The following PTPRO variants were observed in gnomAD, a reference collection of about 807,000 sequenced individuals.
PTPRO encodes receptor-type tyrosine-protein phosphatase O.
PTPRO carries 62 observed loss-of-function variants against 145.2 expected under a neutral mutation model. The observed-to-expected ratio is 0.43, with a 90% confidence interval of 0.35 to 0.53. PTPRO has a LOEUF of 0.53. Ranked by LOEUF, PTPRO falls within the 20% of genes least tolerant of loss-of-function variation. PTPRO has a pLI of 0.01. For missense variants in PTPRO, 1,345 were observed against 1,482.7 expected, an observed-to-expected ratio of 0.91 and a Z score of 1.53; for synonymous variants, 565 against 514.7, an observed-to-expected ratio of 1.10 and a Z score of -1.32.
chr12:15,497,539 T>C (rs1942132681), intron 3 of PTPRO, 136 bp downstream of exon 3: 1 of 977,096 alleles, frequency 1.0e-6, no homozygotes, highest in Non-Finnish European at 1.5e-6. Flanking sequence ...TAAAAATAAT[T>C]ATTGATTTAT....
intron 1 of PTPRO, among the ~76,000 whole-genome samples, chr12:15,390,663 A>T (rs1292440030): frequency 6.6e-6 from 1 of 152,194 alleles, no homozygotes; most frequent in Non-Finnish European, 1.5e-5. Flanking sequence ...AATAAGAATT[A>T]TATGGTCTAG....
intron 12 of PTPRO, among the ~76,000 whole-genome samples, chr12:15,534,166 C>T (rs1802849752): frequency 6.6e-6 from 1 of 152,104 alleles, no homozygotes. Context: ...TATGTGGTGA[C>T]AGGTCCCTTT....
intron 2 of PTPRO, among the ~76,000 whole-genome samples, chr12:15,488,199 A>G (rs1391225152): frequency 1.3e-5 from 2 of 152,206 alleles, no homozygotes; most frequent in African/African-American, 4.8e-5. Context: ...GAAAACACGT[A>G]TTGATTTCCA....
intron 10 of PTPRO, among the ~76,000 whole-genome samples, chr12:15,524,005 C>T (rs1942783377): frequency 6.6e-6 from 1 of 151,734 alleles, no homozygotes; most frequent in Non-Finnish European, 1.5e-5. Flanking sequence ...TGCTATGTTG[C>T]ACAGGCTGGT....
At chr12:15,570,349 GT>G (rs1429353177) in intron 19 of PTPRO, among the ~76,000 whole-genome samples, 4 of 151,362 alleles carry the variant, frequency 2.6e-5, no homozygotes, top group Non-Finnish European at 5.9e-5. Context: ...AGCCTTTTAA[GT>G]GCTCTTTTCT....
chr12:15,501,632 C>T lies in PTPRO; in HGVS notation c.674C>T (p.Pro225Leu), dbSNP rs749385383. Residue 225 changes from proline (P) to leucine (L), a missense_variant, in exon 5 of 27, where the codon CCT (proline) becomes CTT (leucine). Pro to Leu is a moderately conservative substitution (Grantham distance 98, BLOSUM62 -3). This residue lies in a region of PTPRO where 1,130 missense variants were observed against 1,214.7 expected (regional missense o/e 0.93). Transcript: ENST00000281171. ...CTCTCTCTTACAGCCCCTTATCCACCTCAAAATATTTCCGTTCGTATCGTA... is the reference window on the plus strand; with the variant it reads ...CTCTCTCTTACAGCCCCTTATCCACTTCAAAATATTTCCGTTCGTATCGTA... Reference protein sequence around the residue: ...PKQHRTAPYPPQNISVRIVNL... With the variant: ...PKQHRTAPYPLQNISVRIVNL... 6 of 1,613,428 alleles carry T rather than the reference C, an allele frequency of 3.7e-6. No homozygotes were observed. The highest frequency in any genetic ancestry group is 4.2e-6 in the Non-Finnish European group (5 of 1,179,432).
At chr12:15,535,154 T>G (rs1308934019) in intron 12 of PTPRO, among the ~76,000 whole-genome samples, 1 of 152,182 alleles carries the variant, frequency 6.6e-6, no homozygotes, top group Non-Finnish European at 1.5e-5. Context: ...TAGGGTGAAG[T>G]AAGAATCAAG....
At chr12:15,555,434 A>G (rs138813915) in intron 15 of PTPRO, among the ~76,000 whole-genome samples, 3 of 152,314 alleles carry the variant, frequency 2.0e-5, no homozygotes, top group African/African-American at 7.2e-5. Context: ...AAGGACAACT[A>G]AGGGAGTGTG....
chr12:15,569,055 A>G (rs1013633515), intron 18 of PTPRO, among the ~76,000 whole-genome samples: 12 of 152,192 alleles, frequency 7.9e-5, no homozygotes, highest in African/African-American at 2.9e-4. Flanking sequence ...CCATAACTCA[A>G]ACAGGTCTTT....
chr12:15,464,983 G>T (rs1941385611), intron 1 of PTPRO, among the ~76,000 whole-genome samples: 1 of 152,088 alleles, frequency 6.6e-6, no homozygotes, highest in South Asian at 2.1e-4. Context: ...AATACATATG[G>T]TAGCAAGCAA....
At chr12:15,544,872 T>C (rs185064089) in intron 12 of PTPRO, among the ~76,000 whole-genome samples, 2 of 152,284 alleles carry the variant, frequency 1.3e-5, no homozygotes, top group Non-Finnish European at 2.9e-5. Context: ...ACTGGACAAT[T>C]CATTGCAAGT....
chr12:15,582,686 C>T (rs185316324), intron 23 of PTPRO, among the ~76,000 whole-genome samples: 266 of 151,802 alleles, frequency 1.8e-3, no homozygotes, highest in African/African-American at 6.1e-3. Flanking sequence ...ATAATTAAAC[C>T]CTGATTTAGT....
chr12:15,522,533 C>A lies in PTPRO; in HGVS notation c.1891+2221C>A, dbSNP rs190566852. ...GAATTTGTAATATATAAAGTAAAAACGCGTGTGTGTGTGATTTTTTTTACC... is the reference window on the plus strand; with the variant it reads ...GAATTTGTAATATATAAAGTAAAAAAGCGTGTGTGTGTGATTTTTTTTACC... On this transcript the variant is annotated intron_variant, in intron 10 of 26. Coordinates refer to ENST00000281171, the MANE Select transcript of PTPRO (RefSeq NM_030667.3). 1.7e-4 allele frequency among the ~76,000 whole-genome samples: 25 copies of A among 151,172 alleles called. No homozygotes were observed. In the East Asian group the frequency reaches 4.7e-3, roughly 28 times the overall value.
chr12:15,593,146 G>A (rs926047564), intron 25 of PTPRO, among the ~76,000 whole-genome samples: 3 of 152,094 alleles, frequency 2.0e-5, no homozygotes, highest in Non-Finnish European at 4.4e-5. Context: ...GACCACAAGG[G>A]GTAGCTCAGC....
At chr12:15,377,656 C>A (rs2136270021) in intron 1 of PTPRO, among the ~76,000 whole-genome samples, 1 of 152,192 alleles carries the variant, frequency 6.6e-6, no homozygotes, top group Middle Eastern at 3.4e-3. Flanking sequence ...CCTTAAACAT[C>A]TATAAGATAC....
chr12:15,388,107 A>AG (rs1292844939), intron 1 of PTPRO, among the ~76,000 whole-genome samples: 1 of 152,188 alleles, frequency 6.6e-6, no homozygotes, highest in Non-Finnish European at 1.5e-5. Context: ...ACTAAAAAAA[A>AG]GATAGTGGAT....
intron 12 of PTPRO, among the ~76,000 whole-genome samples, chr12:15,543,280 T>TGTTAC (rs1184093859): frequency 3.3e-5 from 5 of 152,188 alleles, no homozygotes; most frequent in Non-Finnish European, 7.3e-5. Context: ...AAGAAAAATT[T>TGTTAC]GTTACGTGGT....
At chr12:15,514,497 A>C (rs1942535551) in intron 7 of PTPRO, among the ~76,000 whole-genome samples, 1 of 150,872 alleles carries the variant, frequency 6.6e-6, no homozygotes, top group Non-Finnish European at 1.5e-5. Flanking sequence ...AGAAGGTCTC[A>C]TGTAAATGAG....
At chr12:15,526,397 G>T in intron 12 of PTPRO, 135 bp downstream of exon 12, 1 of 1,196,528 alleles carries the variant, frequency 8.4e-7, no homozygotes, top group Non-Finnish European at 1.2e-6. Flanking sequence ...ATAGACATTT[G>T]TACTAGCAAA....
Sources: gnomAD v4.1 joint callset for allele counts (sites outside exome capture counted in the v4.1 genomes callset) on GRCh38, gnomAD v4.1.1 for gene constraint, gnomAD v4.1.1 regional missense constraint, MANE v1.5 for transcripts, NCBI Gene and HGNC (gene_info 2026-07-23, HGNC 2026-07-21) for gene names.